The following ATG7 variants were observed in gnomAD, a reference collection of about 807,000 sequenced individuals.
ATG7 encodes autophagy related 7.
Under a neutral mutation model 82.4 loss-of-function variants are expected in ATG7, and 70 were observed. The observed-to-expected ratio is 0.85, with a 90% CI of 0.70 to 1.04. The LOEUF (loss-of-function observed/expected upper bound fraction) is 1.04, where lower values mean the gene tolerates loss of function less well. ATG7 is among the 50% of genes least tolerant of loss of function. ATG7 has a pLI of 0.00. For synonymous variants in ATG7, 287 were observed against 313.0 expected (o/e 0.92, Z 0.88); for missense variants, 792 against 864.3 (o/e 0.92, Z 1.05).
intron 20 of ATG7, among the ~76,000 whole-genome samples, chr3:11,513,208 C>A (rs2092140635): frequency 6.6e-6 from 1 of 152,270 alleles, no homozygotes; most frequent in Non-Finnish European, 1.5e-5. Context: ...ACCGGGGCTG[C>A]AGGTGGAGCT....
intron 19 of ATG7, among the ~76,000 whole-genome samples, chr3:11,424,027 T>C (rs1378696467): frequency 2.6e-5 from 4 of 152,160 alleles, no homozygotes; most frequent in African/African-American, 9.7e-5. Context: ...TCAAGCCCCA[T>C]AGTCTAACCC....
chr3:11,351,781 C>T (rs939373723), intron 14 of ATG7, among the ~76,000 whole-genome samples: 4 of 151,948 alleles, frequency 2.6e-5, no homozygotes, highest in South Asian at 2.1e-4. Flanking sequence ...AAAATACTTG[C>T]GAAACTATTT....
At chr3:11,566,207 CTGAA>C in the ATG7 span, among the ~76,000 whole-genome samples, 5 of 152,190 alleles carry the variant, frequency 3.3e-5, no homozygotes, top group African/African-American at 9.6e-5. Flanking sequence ...TACACACACA[CTGAA>C]TGTTACACAC....
intron 19 of ATG7, among the ~76,000 whole-genome samples, chr3:11,383,202 C>T (rs1481984692): frequency 6.6e-6 from 1 of 152,170 alleles, no homozygotes; most frequent in Non-Finnish European, 1.5e-5. Context: ...GAGGATCAAA[C>T]ATTGCATTTA....
At chr3:11,475,907 A>ACACAC (rs766157655) in intron 20 of ATG7, among the ~76,000 whole-genome samples, 1 of 146,252 alleles carries the variant, frequency 6.8e-6, no homozygotes, top group Non-Finnish European at 1.5e-5. Context: ...ACACACACAC[A>ACACAC]CCCCCTCCCA....
intron 9 of ATG7, among the ~76,000 whole-genome samples, chr3:11,316,054 C>T (rs1053901380): frequency 2.6e-5 from 4 of 152,064 alleles, no homozygotes; most frequent in East Asian, 1.9e-4. Context: ...AAGTTATTTC[C>T]GTTTTCCCTC....
chr3:11,483,128 TTAGAAA>T (rs2089210715), intron 20 of ATG7, among the ~76,000 whole-genome samples: 1 of 152,120 alleles, frequency 6.6e-6, no homozygotes, highest in Non-Finnish European at 1.5e-5. Flanking sequence ...AGTGGTAAAT[TTAGAAA>T]TCCCTTTTCT....
intron 3 of ATG7, among the ~76,000 whole-genome samples, chr3:11,286,133 A>G (rs551215090): frequency 6.6e-6 from 1 of 152,348 alleles, no homozygotes; most frequent in Admixed American, 6.5e-5. Context: ...ATGGCATTCT[A>G]TCAGATAGCA....
At chr3:11,284,075 C>G (rs1467700547) in intron 3 of ATG7, among the ~76,000 whole-genome samples, 1 of 152,152 alleles carries the variant, frequency 6.6e-6, no homozygotes, top group Non-Finnish European at 1.5e-5. Flanking sequence ...GTCTAGCTTC[C>G]CCTAAAGACA....
At chr3:11,381,538 A>G (rs374304852) in intron 19 of ATG7, among the ~76,000 whole-genome samples, 3 of 152,378 alleles carry the variant, frequency 2.0e-5, no homozygotes, top group African/African-American at 7.2e-5. Flanking sequence ...AATCACAAGC[A>G]TACCATCTAA....
rs1229920719 is a variant in ATG7 at position 11,556,066 on chromosome 3, A to G, written c.*1223A>G. On this transcript the variant is annotated 3_prime_UTR_variant, in exon 21 of 21. Coordinates refer to ENST00000693202, the MANE Select transcript of ATG7 (RefSeq NM_001349232.2). ...GGCGCTGAAACTGCACACGTACACT[A>G]TGTGGTTTAAGAGCACTTTATTATT... The G allele has an allele frequency of 6.5e-6, 1 of 152,724 alleles. No homozygotes were observed. Among genetic ancestry groups the G allele is most frequent in the African/African-American group, 2.4e-5 (1 of 41,430 alleles). The allele number at this position is 152,724 out of a possible 1,614,324, so 9.5% of individuals were successfully genotyped here.
intron 3 of ATG7, among the ~76,000 whole-genome samples, chr3:11,284,927 A>T (rs969131688): frequency 1.5e-4 from 23 of 150,486 alleles, no homozygotes; most frequent in Non-Finnish European, 4.4e-5. Context: ...GCTCACTGCA[A>T]GCTCCGCCTC....
intron 5 of ATG7, among the ~76,000 whole-genome samples, chr3:11,301,204 G>A (rs1946733814): frequency 6.6e-6 from 1 of 152,172 alleles, no homozygotes. Context: ...CACTGTGTTT[G>A]TTGATTAAGT....
chr3:11,384,965 CAGAA>C (rs2078204028), intron 19 of ATG7, among the ~76,000 whole-genome samples: 1 of 152,214 alleles, frequency 6.6e-6, no homozygotes, highest in Admixed American at 6.5e-5. Context: ...AAACCCCCGC[CAGAA>C]AGAAGCATGA....
chr3:11,485,909 T>C (rs1228852865), intron 20 of ATG7, among the ~76,000 whole-genome samples: 1 of 152,070 alleles, frequency 6.6e-6, no homozygotes, highest in African/African-American at 2.4e-5. Flanking sequence ...ATATCTCTGT[T>C]TTGGTACCAG....
chr3:11,564,547 G>C, the ATG7 span, among the ~76,000 whole-genome samples: 2 of 152,184 alleles, frequency 1.3e-5, no homozygotes, highest in Non-Finnish European at 2.9e-5. Context: ...CCTTGCCCAA[G>C]GCCGTGAGTG....
chr3:11,449,776 G>A (rs185848756), intron 20 of ATG7, among the ~76,000 whole-genome samples: 6 of 152,316 alleles, frequency 3.9e-5, no homozygotes, highest in Admixed American at 6.5e-5. Flanking sequence ...ACTAACAGGC[G>A]CTTTGCCATA....
At chr3:11,559,094 C>A (rs1169804957), downstream of ATG7, among the ~76,000 whole-genome samples, 1 of 152,248 alleles carries the variant, frequency 6.6e-6, no homozygotes, top group African/African-American at 2.4e-5. Flanking sequence ...GTAGCCGCTG[C>A]CCTCCCTGCA....
In ATG7 at chr3:11,522,604, T is replaced by TC. The variant is rs573387731; in HGVS notation, c.2080-32206dup. On this transcript the variant is annotated intron_variant, in intron 20 of 20. Coordinates refer to ENST00000693202, the MANE Select transcript of ATG7 (RefSeq NM_001349232.2). ...TGGGAGGGGCTTGAACCAGAAGGAA[T>TC]CGTGCCCCAAGGCAGCAGACATAAT... is the stretch of plus-strand genomic sequence containing the variant. Among the ~76,000 whole-genome samples the TC allele has an allele frequency of 1.8e-3, 280 of 152,234 alleles. 1 individual carries two copies. The highest frequency in any genetic ancestry group is 3.5e-3 in the Non-Finnish European group (235 of 68,014).
Sources: allele counts gnomAD v4.1 joint callset (sites outside exome capture counted in the v4.1 genomes callset), GRCh38; gene constraint gnomAD v4.1.1; transcripts MANE v1.5; gene names NCBI Gene and HGNC (gene_info 2026-07-23, HGNC 2026-07-21).